The following ZNF385C variants were observed in gnomAD, a reference collection of about 807,000 sequenced individuals.
ZNF385C encodes the protein CTD-2132N18.2.
ZNF385C carries 28 observed loss-of-function variants against 35.4 expected under a neutral mutation model. The ratio of observed to expected loss-of-function variants is 0.79; its 90% CI spans 0.59 to 1.08. ZNF385C has a LOEUF of 1.08. Among genes scored for constraint, ZNF385C ranks in the 50% least tolerant of loss-of-function variants. The pLI, the probability that ZNF385C is intolerant of heterozygous loss-of-function variation, is 0.00. For missense variants in ZNF385C, 605 were observed against 595.6 expected (o/e 1.02, Z -0.16); for synonymous variants, 248 against 248.2 (o/e 1.00, Z 0.01).
chr17:42,032,662 G>A (rs782043457), intron 4 of ZNF385C, among the ~76,000 whole-genome samples: 2 of 151,870 alleles, frequency 1.3e-5, no homozygotes, highest in Non-Finnish European at 2.9e-5. Context: ...ACTGTGCCCG[G>A]GGTCCGGCAG....
At chr17:42,041,940 G>A (rs2053032522) in intron 2 of ZNF385C, among the ~76,000 whole-genome samples, 1 of 152,194 alleles carries the variant, frequency 6.6e-6, no homozygotes, top group Non-Finnish European at 1.5e-5. Context: ...CTGAGAGCAT[G>A]GGGACCTTGC....
intron 1 of ZNF385C, among the ~76,000 whole-genome samples, chr17:42,088,273 C>T (rs1177492690): frequency 6.6e-6 from 1 of 152,186 alleles, no homozygotes; most frequent in Non-Finnish European, 1.5e-5. Flanking sequence ...GAGACTTGCC[C>T]TCAGATGGCA....
At chr17:42,029,256 G>A (rs782781998) in intron 5 of ZNF385C, among the ~76,000 whole-genome samples, 183 bp from the exon 6 acceptor site, 1 of 152,196 alleles carries the variant, frequency 6.6e-6, no homozygotes, top group Non-Finnish European at 1.5e-5. Context: ...AAATCATTAA[G>A]TTGGACACAG....
intron 1 of ZNF385C, among the ~76,000 whole-genome samples, chr17:42,083,137 A>G (rs1555659842): frequency 6.6e-6 from 1 of 152,020 alleles, no homozygotes; most frequent in African/African-American, 2.4e-5. Context: ...AATGTAAGAA[A>G]CCATGTCTGT....
In ZNF385C at chr17:42,026,317, C is replaced by T. The variant is rs1235560687; in HGVS notation, c.*580G>A. ...CACCCCTTCAGAGCAGATGAAGCCC[C>T]CAAAAGCTTTCAGAACCAGCCCCAC... On this transcript the variant is annotated 3_prime_UTR_variant, in exon 9 of 9. Coordinates refer to ENST00000692273, the MANE Select transcript of ZNF385C (RefSeq NM_001392013.1). 2.5e-5 allele frequency: 4 copies of T among 157,062 alleles called. No homozygotes were observed. The highest frequency in any genetic ancestry group is 5.6e-5 in the Non-Finnish European group (4 of 70,856). 9.7% of individuals were successfully genotyped at this position (157,062 alleles called of 1,614,324 possible).
At chr17:42,094,810 C>A (rs1194004286) in intron 1 of ZNF385C, among the ~76,000 whole-genome samples, 1 of 152,156 alleles carries the variant, frequency 6.6e-6, no homozygotes, top group Middle Eastern at 3.2e-3. Context: ...GCCTCCTGTC[C>A]CAAAAGCTTA....
chr17:42,045,501 A>G (rs1232095081), intron 2 of ZNF385C, among the ~76,000 whole-genome samples: 3 of 152,240 alleles, frequency 2.0e-5, no homozygotes, highest in Non-Finnish European at 4.4e-5. Context: ...TGGCTGAGAT[A>G]TTATCCTTTT....
At chr17:42,083,214 T>C (rs1241685129) in intron 1 of ZNF385C, among the ~76,000 whole-genome samples, 1 of 152,008 alleles carries the variant, frequency 6.6e-6, no homozygotes, top group Non-Finnish European at 1.5e-5. Flanking sequence ...TTTTGTTTTT[T>C]TTTTTTGAGA....
At chr17:42,045,163 C>T (rs1013139364) in intron 2 of ZNF385C, among the ~76,000 whole-genome samples, 8 of 152,124 alleles carry the variant, frequency 5.3e-5, no homozygotes, top group African/African-American at 1.7e-4. Flanking sequence ...GTGATCCGTC[C>T]GCCTCGGCCT....
intron 5 of ZNF385C, among the ~76,000 whole-genome samples, chr17:42,029,464 A>G (rs978175663): frequency 4.6e-5 from 7 of 152,238 alleles, no homozygotes; most frequent in Admixed American, 3.3e-4. Flanking sequence ...CATGTCTGTA[A>G]TCCGAGCACT....
chr17:42,064,937 T>C (rs1391413494), intron 1 of ZNF385C, among the ~76,000 whole-genome samples: 4 of 152,054 alleles, frequency 2.6e-5, no homozygotes, highest in Non-Finnish European at 4.4e-5. Flanking sequence ...AACCTCTGCC[T>C]CCCGGATTCA....
chr17:42,044,948 C>T (rs138483591), intron 2 of ZNF385C, among the ~76,000 whole-genome samples: 6,330 of 145,802 alleles, frequency 0.043, 461 homozygotes, highest in African/African-American at 0.15. Flanking sequence ...GACAGAGGCT[C>T]ACTCTGTGGC....
intron 2 of ZNF385C, chr17:42,040,579 G>A (rs1476874733): frequency 5.7e-6 from 7 of 1,232,622 alleles, no homozygotes; most frequent in South Asian, 4.1e-5. Flanking sequence ...CAGTGACCCC[G>A]CCACAGGTGA....
intron 1 of ZNF385C, among the ~76,000 whole-genome samples, chr17:42,078,068 C>T (rs1005584611): frequency 1.2e-4 from 18 of 152,272 alleles, no homozygotes; most frequent in Middle Eastern, 6.8e-3. Flanking sequence ...TCACAGTGAC[C>T]GGGACATAAA....
intron 1 of ZNF385C, among the ~76,000 whole-genome samples, chr17:42,079,017 C>G (rs1168106483): frequency 1.3e-5 from 2 of 151,770 alleles, no homozygotes; most frequent in Non-Finnish European, 2.9e-5. Context: ...TCCTCTGACT[C>G]AAGGCTGATG....
chr17:42,063,004 G>T lies in ZNF385C; in HGVS notation c.53C>A (p.Ser18Tyr), dbSNP rs781842833. ...CCGAGGGAGGCACTCAGCAGCTCCA[G>T]ATATGGGGGTCTCCTTCTCAGCCGG... ...PPPAEKETPI[S>Y]GAAECLPRPP... Residue 18 changes from serine to tyrosine, a missense_variant, in exon 2 of 9, where the codon TCT becomes TAT. Ser to Tyr is a moderately radical substitution (Grantham distance 144, BLOSUM62 -2). Transcript: ENST00000692273. 9 of 686,868 alleles carry T rather than the reference G, an allele frequency of 1.3e-5. No individual in the cohort carries two copies. The highest frequency in any genetic ancestry group is 2.4e-5 in the Non-Finnish European group (9 of 378,204). The allele number at this position is 686,868 out of a possible 1,614,324, so 42.5% of individuals were successfully genotyped here. A position where few individuals can be genotyped will look rare whatever the true frequency, so the allele number is the denominator to read the frequency against.
chr17:42,031,208 A>G (rs965792970), intron 5 of ZNF385C, among the ~76,000 whole-genome samples: 13 of 151,766 alleles, frequency 8.6e-5, no homozygotes, highest in Admixed American at 6.6e-4. Context: ...CTGGCAAATA[A>G]ATTTTTTGTA....
chr17:42,085,349 AC>A (rs1421368228), intron 1 of ZNF385C, among the ~76,000 whole-genome samples: 32 of 151,228 alleles, frequency 2.1e-4, no homozygotes, highest in African/African-American at 6.3e-4. Context: ...GCTCACTGCA[AC>A]CTCCACCTCG....
intron 5 of ZNF385C, among the ~76,000 whole-genome samples, chr17:42,029,435 C>T (rs957561144): frequency 1.6e-4 from 25 of 152,104 alleles, no homozygotes; most frequent in Non-Finnish European, 3.1e-4. Flanking sequence ...AACAATGGTG[C>T]GGGCTGGATA....
Sources: allele counts gnomAD v4.1 joint callset (sites outside exome capture counted in the v4.1 genomes callset), GRCh38; gene constraint gnomAD v4.1.1; transcripts MANE v1.5; gene names NCBI Gene and HGNC (gene_info 2026-07-23, HGNC 2026-07-21).